The following RYR3 variants were observed in gnomAD, a reference collection of about 807,000 sequenced individuals.
RYR3 encodes the protein ryanodine receptor 3.
A neutral mutation model predicts 584.3 loss-of-function variants in RYR3; 207 were observed. The ratio of observed to expected loss-of-function variants is 0.35; its 90% CI spans 0.32 to 0.40. The LOEUF is 0.40. RYR3 is among the 10% of genes least tolerant of loss of function. RYR3 has a pLI of 1.00. For missense variants in RYR3, 5,616 were observed against 6,089.2 expected (o/e 0.92, Z 2.59); for synonymous variants, 2,416 against 2,248.5 (o/e 1.07, Z -2.11).
intron 38 of RYR3, among the ~76,000 whole-genome samples, chr15:33,685,906 C>T (rs193220452): frequency 7.7e-4 from 117 of 152,300 alleles, no homozygotes; most frequent in African/African-American, 2.6e-3. Flanking sequence ...AGAACAAAGA[C>T]ACAACATACC....
chr15:33,741,598 A>AGTTTTGTTTT (rs72331426), intron 51 of RYR3, among the ~76,000 whole-genome samples: 1 of 151,230 alleles, frequency 6.6e-6, no homozygotes, highest in African/African-American at 2.4e-5. Context: ...CCAAAATTCT[A>AGTTTTGTTTT]GTTTTGTTTT....
intron 31 of RYR3, among the ~76,000 whole-genome samples, chr15:33,651,784 A>G (rs1029131649): frequency 6.6e-6 from 1 of 152,244 alleles, no homozygotes; most frequent in Non-Finnish European, 1.5e-5. Context: ...TGCATCAGGT[A>G]TAGCATCACC....
At chr15:33,630,335 GA>G (rs908295890) in intron 22 of RYR3, among the ~76,000 whole-genome samples, 2 of 151,810 alleles carry the variant, frequency 1.3e-5, no homozygotes, top group African/African-American at 2.4e-5. Flanking sequence ...TTAAATAAAG[GA>G]AAAAAAATGA....
intron 55 of RYR3, among the ~76,000 whole-genome samples, chr15:33,749,563 ATTATTT>A (rs1051685747): frequency 2.6e-5 from 4 of 152,144 alleles, no homozygotes; most frequent in African/African-American, 9.7e-5. Flanking sequence ...TTAAGACGTG[ATTATTT>A]TTAGTTTGTT....
intron 67 of RYR3, among the ~76,000 whole-genome samples, chr15:33,794,046 A>AT (rs67477606): frequency 0.61 from 69,013 of 113,078 alleles, 21,732 homozygotes; most frequent in East Asian, 0.96. Flanking sequence ...ATAAATACAT[A>AT]TATATAAATA....
chr15:33,495,334 A>C (rs1389243213), intron 2 of RYR3, among the ~76,000 whole-genome samples: 1 of 152,170 alleles, frequency 6.6e-6, no homozygotes, highest in African/African-American at 2.4e-5. Context: ...AGGGATATTG[A>C]TGCAGTATGA....
chr15:33,628,351 G>A (rs1244035780), intron 20 of RYR3, 120 bp from the exon 21 acceptor site: 2 of 653,114 alleles, frequency 3.1e-6, no homozygotes, highest in Non-Finnish European at 5.5e-6. Flanking sequence ...GGCAGCATGA[G>A]GTCGGATACT....
At chr15:33,577,259 A>G (rs2058347624) in intron 12 of RYR3, among the ~76,000 whole-genome samples, 2 of 152,196 alleles carry the variant, frequency 1.3e-5, no homozygotes, top group Admixed American at 1.3e-4. Flanking sequence ...CAGAATTAGA[A>G]AAAACTACTT....
intron 3 of RYR3, among the ~76,000 whole-genome samples, chr15:33,523,654 A>G (rs2140987551): frequency 6.6e-6 from 1 of 152,254 alleles, no homozygotes; most frequent in Non-Finnish European, 1.5e-5. Flanking sequence ...AGGGCAGGGT[A>G]GACCTAGAAT....
chr15:33,674,957 A>AC (rs2064078846), intron 38 of RYR3, among the ~76,000 whole-genome samples: 1 of 151,878 alleles, frequency 6.6e-6, no homozygotes, highest in Non-Finnish European at 1.5e-5. Flanking sequence ...GAACATCTTG[A>AC]AAAATCCAGT....
chr15:33,479,543 C>T (rs756438083), intron 2 of RYR3, among the ~76,000 whole-genome samples: 4 of 148,930 alleles, frequency 2.7e-5, no homozygotes, highest in African/African-American at 1.0e-4. Context: ...CAAGTAATGC[C>T]GTGGGTGCCT....
intron 1 of RYR3, among the ~76,000 whole-genome samples, chr15:33,395,796 T>C (rs2042260769): frequency 6.6e-6 from 1 of 152,208 alleles, no homozygotes; most frequent in African/African-American, 2.4e-5. Context: ...TGAAAGTGAC[T>C]TCACTTAGCC....
At chr15:33,827,062 GGATCTGCCAT>G in intron 84 of RYR3, 127 bp from the exon 85 acceptor site, 1 of 766,816 alleles carries the variant, frequency 1.3e-6, no homozygotes, top group Non-Finnish European at 2.2e-6. Context: ...CTGCCCTGCA[GGATCTGCCAT>G]GACCCAAACA....
At chr15:33,496,990 G>T (rs943188608) in intron 2 of RYR3, among the ~76,000 whole-genome samples, 2 of 152,156 alleles carry the variant, frequency 1.3e-5, no homozygotes, top group African/African-American at 4.8e-5. Context: ...AGAGCAGCTG[G>T]TACAGGAACG....
chr15:33,754,007 T>G (rs1009530264), intron 57 of RYR3, among the ~76,000 whole-genome samples: 1 of 152,162 alleles, frequency 6.6e-6, no homozygotes, highest in Non-Finnish European at 1.5e-5. Context: ...TAGCCAGGAA[T>G]GATGGTGCGT....
intron 5 of RYR3, among the ~76,000 whole-genome samples, chr15:33,535,621 T>C (rs1260733264): frequency 6.6e-6 from 1 of 152,204 alleles, no homozygotes; most frequent in Non-Finnish European, 1.5e-5. Flanking sequence ...TCAAATATGG[T>C]CACTGTATTT....
rs546697318 is a variant in RYR3 at position 33,707,657 on chromosome 15, G to A, written c.6619+603G>A. On this transcript the variant is annotated intron_variant, in intron 43 of 103. Transcript: ENST00000634891. Reference sequence around the variant, plus strand: ...GGGTACTTTCTTGAAAATGAGCCTTGCCTCCTAAGAATTTTTGTTATAATA... The same window carrying A: ...GGGTACTTTCTTGAAAATGAGCCTTACCTCCTAAGAATTTTTGTTATAATA... Among the ~76,000 whole-genome samples the A allele has an allele frequency of 2.0e-5, 3 of 152,188 alleles. No homozygotes were observed. The South Asian group carries it at 6.2e-4, about 32-fold the overall frequency.
rs775300751 is a variant in RYR3, at chr15:33,543,672, T to C, written c.697T>C (p.Cys233Arg). ...ACGTCTTTTCCATGGTCATGATGAA[T>C]GTTTGACGATACCATCTACAGACCA... ...VVRLFHGHDE[C>R]LTIPSTDQND... The change falls in exon 8 of 104, where the codon TGT (cysteine) becomes CGT (arginine). Residue 233 changes from cysteine to arginine, a missense_variant. By Grantham distance (180) the Cys-to-Arg change is radical. Around this residue, in one of 9 missense-constraint regions of RYR3, gnomAD observed 1,284 missense variants for 1,344.6 expected, o/e 0.95. Coordinates refer to ENST00000634891, the MANE Select transcript of RYR3 (RefSeq NM_001036.6). The C allele has an allele frequency of 4.3e-6, 7 of 1,612,992 alleles. No individual in the cohort carries two copies. In the East Asian group the frequency reaches 1.3e-4, roughly 31 times the overall value.
In RYR3 at chr15:33,634,750, G is replaced by GTTTA. The variant is rs768441903; in HGVS notation, c.3175+20_3175+23dup. ...AAGAACTAGGTAATGAGTTGAGAGTGTTTATTCTGGCCCCAGTTTACTAAA... is the reference window on the plus strand; with the variant it reads ...AAGAACTAGGTAATGAGTTGAGAGTGTTTATTTATTCTGGCCCCAGTTTACTAAA... On this transcript the variant is annotated intron_variant, in intron 25 of 103. Coordinates refer to ENST00000634891, the MANE Select transcript of RYR3 (RefSeq NM_001036.6). The GTTTA allele has an allele frequency of 6.2e-7, 1 of 1,611,248 alleles. No individual in the cohort carries two copies. The highest frequency in any genetic ancestry group is 8.5e-7 in the Non-Finnish European group (1 of 1,177,614).
Sources: allele counts gnomAD v4.1 joint callset (sites outside exome capture counted in the v4.1 genomes callset), GRCh38; gene constraint gnomAD v4.1.1; regional missense constraint gnomAD v4.1.1; transcripts MANE v1.5; gene names NCBI Gene and HGNC (gene_info 2026-07-23, HGNC 2026-07-21).